PLEKHM3: variants seen among roughly 807,000 people sequenced by gnomAD.
PLEKHM3 encodes pleckstrin homology domain-containing family M member 3.
In PLEKHM3, 45 loss-of-function variants were observed where a neutral mutation model predicts 81.8. The observed-to-expected ratio is 0.55, with a 90% confidence interval of 0.43 to 0.71. The LOEUF (loss-of-function observed/expected upper bound fraction) is 0.71. Among genes scored for constraint, PLEKHM3 ranks in the 30% least tolerant of loss-of-function variants. The pLI, the probability that PLEKHM3 is intolerant of heterozygous loss-of-function variation, is 0.00. For synonymous variants in PLEKHM3, 352 were observed against 356.4 expected, an observed-to-expected ratio of 0.99 and a Z score of 0.14; for missense variants, 788 against 924.3, an observed-to-expected ratio of 0.85 and a Z score of 1.91.
At chr2:207,972,586 C>CAAAA (rs35602924) in intron 3 of PLEKHM3, among the ~76,000 whole-genome samples, 1 of 59,626 alleles carries the variant, frequency 1.7e-5, no homozygotes, top group African/African-American at 5.7e-5. Flanking sequence ...GACTCCGTCT[C>CAAAA]AAAAAAAAAA....
chr2:207,833,862 T>C (rs2092302477), intron 7 of PLEKHM3, among the ~76,000 whole-genome samples: 1 of 152,220 alleles, frequency 6.6e-6, no homozygotes, highest in African/African-American at 2.4e-5. Flanking sequence ...CTTACGTTCT[T>C]ACCAACCAAT....
intron 7 of PLEKHM3, among the ~76,000 whole-genome samples, chr2:207,836,720 C>T (rs1445325889): frequency 1.3e-5 from 2 of 152,140 alleles, no homozygotes; most frequent in African/African-American, 2.4e-5. Flanking sequence ...TGCTAAAGGC[C>T]GCTGCCCCGA....
At chr2:207,893,338 G>A (rs190007226) in intron 6 of PLEKHM3, among the ~76,000 whole-genome samples, 187 of 152,292 alleles carry the variant, frequency 1.2e-3, no homozygotes, top group African/African-American at 4.3e-3. Context: ...GGGGGAGCAG[G>A]GGAGGGCTGC....
At chr2:207,924,824 C>T (rs73983639) in intron 5 of PLEKHM3, among the ~76,000 whole-genome samples, 324 of 152,158 alleles carry the variant, frequency 2.1e-3, no homozygotes, top group African/African-American at 7.6e-3. Context: ...GAAGGGCAGC[C>T]GAGGTGTTGG....
intron 7 of PLEKHM3, among the ~76,000 whole-genome samples, chr2:207,846,865 T>G (rs1165849415): frequency 6.6e-6 from 1 of 152,210 alleles, no homozygotes; most frequent in East Asian, 1.9e-4. Flanking sequence ...TTCTAACTAT[T>G]TAAAAATACA....
At chr2:207,936,540 C>T (rs1689756431) in intron 4 of PLEKHM3, among the ~76,000 whole-genome samples, 1 of 152,072 alleles carries the variant, frequency 6.6e-6, no homozygotes, top group Non-Finnish European at 1.5e-5. Flanking sequence ...TAGCTAGAGG[C>T]AGCATGGATA....
chr2:207,835,146 C>T (rs935387508), intron 7 of PLEKHM3, among the ~76,000 whole-genome samples: 2 of 151,428 alleles, frequency 1.3e-5, no homozygotes, highest in South Asian at 2.1e-4. Context: ...GGTTTCACCA[C>T]GTTGGCCAGG....
Position 207,880,627 on chromosome 2 carries a change from T to C in PLEKHM3, c.1951-19365A>G, listed in dbSNP as rs576824747. On this transcript the variant is annotated intron_variant, in intron 6 of 7. Coordinates refer to ENST00000427836, the MANE Select transcript of PLEKHM3 (RefSeq NM_001080475.3). Reference sequence around the variant, plus strand: ...AAATACAAAAAATTAGCCGGGCGTGTTGGCGGGCGCCTGTAGTCCCAGCTA... The same window carrying C: ...AAATACAAAAAATTAGCCGGGCGTGCTGGCGGGCGCCTGTAGTCCCAGCTA... 1.7e-3 allele frequency among the ~76,000 whole-genome samples: 246 copies of C among 141,330 alleles called. 2 individuals are homozygous for C. The highest frequency in any genetic ancestry group is 6.2e-3 in the African/African-American group (241 of 38,698). The allele number at this position is 141,330 out of a possible 152,430, so 92.7% of individuals were successfully genotyped here. A position where few individuals can be genotyped will look rare whatever the true frequency, so the allele number is the denominator to read the frequency against.
chr2:207,939,724 T>A (rs975951533), intron 4 of PLEKHM3, among the ~76,000 whole-genome samples: 7 of 152,174 alleles, frequency 4.6e-5, no homozygotes, highest in African/African-American at 1.7e-4. Context: ...AAGGTAAGAT[T>A]AGGACTTTTC....
intron 6 of PLEKHM3, among the ~76,000 whole-genome samples, chr2:207,875,400 T>C (rs961110965): frequency 3.3e-5 from 5 of 152,240 alleles, no homozygotes; most frequent in Non-Finnish European, 5.9e-5. Context: ...ATTGTTAATA[T>C]AGAAAATTAA....
chr2:208,017,799 C>T (rs1274029544), intron 1 of PLEKHM3, among the ~76,000 whole-genome samples: 1 of 152,122 alleles, frequency 6.6e-6, no homozygotes, highest in Non-Finnish European at 1.5e-5. Context: ...AAAGACTTTT[C>T]ACTCAGCATC....
At chr2:207,955,751 C>T (rs1370413560) in intron 3 of PLEKHM3, among the ~76,000 whole-genome samples, 5 of 151,168 alleles carry the variant, frequency 3.3e-5, no homozygotes, top group South Asian at 2.1e-4. Context: ...GAAAAACTGT[C>T]CCCTGCAGAT....
chr2:207,914,407 A>G (rs1028577701), intron 5 of PLEKHM3, among the ~76,000 whole-genome samples: 2 of 152,060 alleles, frequency 1.3e-5, no homozygotes, highest in Non-Finnish European at 2.9e-5. Context: ...CTGAGGCAGG[A>G]GAATTGATTG....
At chr2:207,880,504 C>T (rs1365866628) in intron 6 of PLEKHM3, among the ~76,000 whole-genome samples, 3 of 151,330 alleles carry the variant, frequency 2.0e-5, no homozygotes, top group Non-Finnish European at 4.4e-5. Flanking sequence ...TGGCTCACGC[C>T]TGTAATCCTA....
chr2:207,828,528 A>T, intron 7 of PLEKHM3, 32 bp from the exon 8 acceptor site: 1 of 1,603,208 alleles, frequency 6.2e-7, no homozygotes, highest in Non-Finnish European at 8.5e-7. Flanking sequence ...ATGATGAGCA[A>T]GACTGAAGCC....
chr2:207,979,548 A>C (rs189786519), intron 2 of PLEKHM3, among the ~76,000 whole-genome samples: 1 of 151,938 alleles, frequency 6.6e-6, no homozygotes, highest in African/African-American at 2.4e-5. Flanking sequence ...AAAAAAAAAA[A>C]AAAGAAAGAA....
chr2:207,907,431 G>A (rs1688646462), intron 6 of PLEKHM3, among the ~76,000 whole-genome samples: 1 of 152,114 alleles, frequency 6.6e-6, no homozygotes, highest in African/African-American at 2.4e-5. Context: ...GAACCCGGGA[G>A]GCAGAGGGTG....
chr2:207,903,864 A>G (rs1422295306), intron 6 of PLEKHM3, among the ~76,000 whole-genome samples: 1 of 152,260 alleles, frequency 6.6e-6, no homozygotes, highest in Non-Finnish European at 1.5e-5. Context: ...GAGTTACGGT[A>G]CAAGTCTTGC....
intron 3 of PLEKHM3, among the ~76,000 whole-genome samples, chr2:207,957,734 TAATC>T (rs1198963536): frequency 6.6e-6 from 1 of 152,040 alleles, no homozygotes; most frequent in Non-Finnish European, 1.5e-5. Flanking sequence ...TGGTATGAAA[TAATC>T]AACATCTATT....
Sources: gnomAD v4.1 joint callset for allele counts (sites outside exome capture counted in the v4.1 genomes callset) on GRCh38, gnomAD v4.1.1 for gene constraint, MANE v1.5 for transcripts, NCBI Gene and HGNC (gene_info 2026-07-23, HGNC 2026-07-21) for gene names.